FHIT: variants seen among roughly 807,000 people sequenced by gnomAD.
FHIT encodes the protein bis(5'-adenosyl)-triphosphatase.
A neutral mutation model predicts 17.9 loss-of-function variants in FHIT; 19 were observed. The ratio of observed to expected loss-of-function variants is 1.06; its 90% CI spans 0.74 to 1.56. The LOEUF is 1.56. Ranked by LOEUF, FHIT falls within the 40% of genes most tolerant of loss-of-function variation. FHIT has a pLI of 0.00. For missense variants in FHIT, 248 were observed against 189.2 expected (o/e 1.31, Z -1.82); for synonymous variants, 81 against 69.7 (o/e 1.16, Z -0.81).
intron 3 of FHIT, among the ~76,000 whole-genome samples, chr3:60,870,689 T>G (rs1267693117): frequency 6.6e-6 from 1 of 152,204 alleles, no homozygotes; most frequent in Non-Finnish European, 1.5e-5. Context: ...TGGCTTCCCA[T>G]GGACCTCAGG....
intron 3 of FHIT, among the ~76,000 whole-genome samples, chr3:60,824,267 C>A (rs188416655): frequency 2.6e-5 from 4 of 152,074 alleles, no homozygotes; most frequent in African/African-American, 9.7e-5. Flanking sequence ...CAGTCCTATG[C>A]GAAATATTTT....
At chr3:60,553,523 A>AGG (rs1467225168) in intron 4 of FHIT, 1 of 170,272 alleles carries the variant, frequency 5.9e-6, no homozygotes, top group Non-Finnish European at 1.1e-5. Context: ...ATATATATAG[A>AGG]GAGAGAGAGA....
At chr3:60,309,985 G>A (rs926128031) in intron 5 of FHIT, among the ~76,000 whole-genome samples, 2 of 152,076 alleles carry the variant, frequency 1.3e-5, no homozygotes, top group African/African-American at 4.8e-5. Context: ...GCTCCTTGAG[G>A]ACAAGGACAC....
At chr3:60,198,209 T>C (rs1702734588) in intron 5 of FHIT, among the ~76,000 whole-genome samples, 1 of 152,136 alleles carries the variant, frequency 6.6e-6, no homozygotes, top group African/African-American at 2.4e-5. Context: ...AGAAATCAAA[T>C]ACATCTTATC....
intron 8 of FHIT, among the ~76,000 whole-genome samples, chr3:59,759,196 G>A (rs1309543552): frequency 6.6e-6 from 1 of 151,984 alleles, no homozygotes; most frequent in Non-Finnish European, 1.5e-5. Flanking sequence ...AAGAGTGAGA[G>A]AGAGGACTTG....
At chr3:60,613,146 T>A (rs1370691221) in intron 4 of FHIT, among the ~76,000 whole-genome samples, 1 of 152,228 alleles carries the variant, frequency 6.6e-6, no homozygotes, top group Admixed American at 6.5e-5. Flanking sequence ...GACTTTTTCT[T>A]CCTCTGCCCC....
intron 2 of FHIT, among the ~76,000 whole-genome samples, chr3:61,143,909 G>C (rs775964968): frequency 1.3e-5 from 2 of 152,086 alleles, no homozygotes; most frequent in African/African-American, 4.8e-5. Context: ...TGTTTTTGGA[G>C]TTTTAAAGTG....
At chr3:60,554,593 C>T (rs1356940295) in intron 4 of FHIT, among the ~76,000 whole-genome samples, 1 of 152,122 alleles carries the variant, frequency 6.6e-6, no homozygotes, top group African/African-American at 2.4e-5. Flanking sequence ...CAAAGGGGTT[C>T]CTGTAGCATC....
chr3:60,642,241 T>C (rs1274390071), intron 4 of FHIT, among the ~76,000 whole-genome samples: 2 of 152,100 alleles, frequency 1.3e-5, no homozygotes, highest in Non-Finnish European at 2.9e-5. Context: ...GGTCGCCTAA[T>C]AGGCTAGGAA....
chr3:60,102,815 A>G (rs963864328), intron 5 of FHIT, among the ~76,000 whole-genome samples: 1 of 152,170 alleles, frequency 6.6e-6, no homozygotes, highest in African/African-American at 2.4e-5. Context: ...ATAATTTTCA[A>G]AATAAAAGAG....
chr3:60,069,032 A>G, intron 5 of FHIT, among the ~76,000 whole-genome samples: 1 of 152,318 alleles, frequency 6.6e-6, no homozygotes, highest in East Asian at 1.9e-4. Flanking sequence ...TGTAATTGCT[A>G]TCCTAAGGAC....
chr3:61,142,738 T>C (rs1479929451), intron 2 of FHIT, among the ~76,000 whole-genome samples: 1 of 152,252 alleles, frequency 6.6e-6, no homozygotes. Context: ...TCTTAAGCCA[T>C]GCCATTATCA....
At chr3:61,247,963 G>A (rs747099869) in intron 1 of FHIT, among the ~76,000 whole-genome samples, 35 of 152,194 alleles carry the variant, frequency 2.3e-4, no homozygotes, top group Non-Finnish European at 4.0e-4. Flanking sequence ...TAAATCATGG[G>A]TCCCCAGACA....
At chr3:60,665,202 T>A (rs1319632904) in intron 4 of FHIT, among the ~76,000 whole-genome samples, 1 of 152,018 alleles carries the variant, frequency 6.6e-6, no homozygotes, top group Admixed American at 6.6e-5. Flanking sequence ...TGATATGATC[T>A]ATTTTGGTGA....
chr3:61,020,744 T>C (rs975997058), intron 3 of FHIT, among the ~76,000 whole-genome samples: 13 of 152,134 alleles, frequency 8.5e-5, no homozygotes, highest in Non-Finnish European at 7.4e-5. Flanking sequence ...TAAACAGTCA[T>C]GACCCGTGGG....
intron 5 of FHIT, among the ~76,000 whole-genome samples, chr3:60,413,469 T>C (rs1702138315): frequency 6.6e-6 from 1 of 152,168 alleles, no homozygotes; most frequent in Non-Finnish European, 1.5e-5. Context: ...AGGTCTTACT[T>C]AAGAAGTACC....
At chr3:60,719,727 C>T (rs185727544) in intron 4 of FHIT, among the ~76,000 whole-genome samples, 26 of 152,274 alleles carry the variant, frequency 1.7e-4, no homozygotes, top group East Asian at 1.4e-3. Context: ...AATTCTCATA[C>T]GCTTTGACCA....
At chr3:60,854,705 C>A (rs1703304693) in intron 3 of FHIT, among the ~76,000 whole-genome samples, 1 of 152,074 alleles carries the variant, frequency 6.6e-6, no homozygotes, top group Admixed American at 6.6e-5. Flanking sequence ...CCAAGTCAGT[C>A]TCTTTCTAAA....
In FHIT at chr3:60,668,371, GA is replaced by G. The variant is rs60941309; in HGVS notation, c.-17-131393del. ...TCCAGAGGGACATCCGCTCAATCAGGAAAAAAAAAAAAAAAAAAAAAAAAAA... is the reference window on the plus strand; with the variant it reads ...TCCAGAGGGACATCCGCTCAATCAGGAAAAAAAAAAAAAAAAAAAAAAAAA... On this transcript the variant is annotated intron_variant, in intron 4 of 9. Transcript: ENST00000492590. Among the ~76,000 whole-genome samples the G allele has an allele frequency of 4.1e-3, 280 of 68,014 alleles. 2 individuals carry two copies. Among genetic ancestry groups the G allele is most frequent in the Middle Eastern group, 0.01 (1 of 98 alleles). The allele number at this position is 68,014 out of a possible 152,430, so 44.6% of individuals were successfully genotyped here.
Sources: gnomAD v4.1 joint callset for allele counts (sites outside exome capture counted in the v4.1 genomes callset) on GRCh38, gnomAD v4.1.1 for gene constraint, MANE v1.5 for transcripts, NCBI Gene and HGNC (gene_info 2026-07-23, HGNC 2026-07-21) for gene names.